The following CSGALNACT1 variants were observed in gnomAD, a reference collection of about 807,000 sequenced individuals.
CSGALNACT1 encodes chondroitin sulfate N-acetylgalactosaminyltransferase 1, also known as beta4GalNAcT-1.
CSGALNACT1 carries 52 observed loss-of-function variants against 51.0 expected under a neutral mutation model. That is an observed-to-expected ratio of 1.02 (90% CI 0.82 to 1.29). The LOEUF (loss-of-function observed/expected upper bound fraction) is 1.29. Among genes scored for constraint, CSGALNACT1 ranks in the 50% most tolerant of loss-of-function variants. The probability of loss-of-function intolerance (pLI) is 0.00; values close to 1 mark genes in which losing one functional copy is unlikely to be tolerated. For synonymous variants in CSGALNACT1, 341 were observed against 254.4 expected, an observed-to-expected ratio of 1.34 and a Z score of -3.24; for missense variants, 935 against 679.2, an observed-to-expected ratio of 1.38 and a Z score of -4.19.
intron 6 of CSGALNACT1, among the ~76,000 whole-genome samples, chr8:19,433,565 T>C (rs1445117819): frequency 6.6e-6 from 1 of 152,206 alleles, no homozygotes; most frequent in Non-Finnish European, 1.5e-5. Context: ...ACAAATGCTC[T>C]CCCTGAAGAA....
chr8:19,602,014 G>A lies in CSGALNACT1; in HGVS notation c.-533C>T, dbSNP rs142899031. ...TACCCCAAAAAGCAGGATGGTATTT[G>A]TTCTCTCCCTGTTTCAATGAATAAA... On this transcript the variant is annotated 5_prime_UTR_variant, in exon 1 of 10. Coordinates refer to ENST00000454498, the Ensembl canonical transcript of CSGALNACT1. The A allele has an allele frequency of 9.0e-4, 324 of 361,392 alleles. 2 individuals carry two copies. Among genetic ancestry groups the A allele is most frequent in the African/African-American group, 6.4e-3 (301 of 46,782 alleles). The allele number at this position is 361,392 out of a possible 1,614,324, so 22.4% of individuals were successfully genotyped here.
chr8:19,606,972 G>A (rs11204058), upstream of CSGALNACT1, among the ~76,000 whole-genome samples: 77,007 of 151,788 alleles, frequency 0.51, 20,688 homozygotes, highest in East Asian at 0.69. Context: ...TGGCTAATAC[G>A]GGGAAACCCT....
At chr8:19,672,055 G>A (rs2059833911) in intron 1 of CSGALNACT1, among the ~76,000 whole-genome samples, 1 of 152,088 alleles carries the variant, frequency 6.6e-6, no homozygotes, top group Non-Finnish European at 1.5e-5. Context: ...CATAGAATTT[G>A]GTACAAATAG....
intron 3 of CSGALNACT1, among the ~76,000 whole-genome samples, chr8:19,547,675 G>C (rs2086798872): frequency 6.6e-6 from 1 of 152,096 alleles, no homozygotes; most frequent in African/African-American, 2.4e-5. Flanking sequence ...ATCTTTATTA[G>C]TAGTGTGAGA....
intron 1 of CSGALNACT1, among the ~76,000 whole-genome samples, chr8:19,646,250 G>A (rs965622722): frequency 1.1e-4 from 16 of 152,182 alleles, no homozygotes; most frequent in Admixed American, 2.0e-4. Flanking sequence ...TATCTGGATC[G>A]TAAGAGAATT....
At chr8:19,682,414 A>T (rs1412275385) in intron 1 of CSGALNACT1, 2 of 338,950 alleles carry the variant, frequency 5.9e-6, no homozygotes, top group East Asian at 7.6e-5. Flanking sequence ...AGCACTCCCC[A>T]AACAGAAAGT....
chr8:19,441,010 A>G lies in CSGALNACT1; in HGVS notation c.852-1079T>C, dbSNP rs1266625692. On this transcript the variant is annotated intron_variant, in intron 5 of 9. Transcript: ENST00000454498. ...AAAATACCTAGGAATCCAACTTACA[A>G]GGAATATGAAGGACCTCTTCAAGGA... Among the ~76,000 whole-genome samples, 12 of 152,346 alleles carry G rather than the reference A, an allele frequency of 7.9e-5. No individual in the cohort carries two copies. The South Asian group carries it at 1.5e-3, about 18-fold the overall frequency.
chr8:19,437,441 T>A lies in CSGALNACT1; in HGVS notation c.953+2389A>T, dbSNP rs2060558068. ...GAAGATTGATCTGGAAGGTAGAGTG[T>A]GGTATGGTACTGTGAAGTCAACTCA... On this transcript the variant is annotated intron_variant, in intron 6 of 9. Transcript: ENST00000454498. 2.6e-5 allele frequency among the ~76,000 whole-genome samples: 4 copies of A among 152,010 alleles called. No individual in the cohort carries two copies. The South Asian group carries it at 8.3e-4, about 32-fold the overall frequency.
chr8:19,467,060 A>G (rs2066862332), intron 4 of CSGALNACT1, among the ~76,000 whole-genome samples: 1 of 151,410 alleles, frequency 6.6e-6, no homozygotes, highest in Admixed American at 6.6e-5. Flanking sequence ...GAAATGTCTA[A>G]GAACTCACTT....
intron 1 of CSGALNACT1, among the ~76,000 whole-genome samples, chr8:19,634,357 C>T (rs6987926): frequency 0.017 from 2,547 of 152,132 alleles, 61 homozygotes; most frequent in African/African-American, 0.057. Context: ...ATGGGATTAG[C>T]GCCCTTACAA....
At chr8:19,748,540 T>C (rs2064830177) in intron 1 of CSGALNACT1, among the ~76,000 whole-genome samples, 1 of 152,200 alleles carries the variant, frequency 6.6e-6, no homozygotes, top group African/African-American at 2.4e-5. Context: ...CTCTCTGCCA[T>C]AACAGTTGAC....
chr8:19,604,914 CAAAAAAAAA>C (rs576342135), upstream of CSGALNACT1, among the ~76,000 whole-genome samples: 1,108 of 64,456 alleles, frequency 0.017, 19 homozygotes, highest in African/African-American at 0.052. Flanking sequence ...GACTCTGTCT[CAAAAAAAAA>C]AAAAAAAAAA....
Position 19,725,430 on chromosome 8 carries a change from T to TC in CSGALNACT1, c.-297+32419_-297+32420insG, listed in dbSNP as rs2063345759. On this transcript the variant is annotated intron_variant, in intron 1 of 1. Coordinates refer to the CSGALNACT1 transcript ENST00000517494. ...TTTTTTCTTTTTTCTTTTTTCTTTT[T>TC]TTTTTTTTTTTGAGATGGAGTTTCA... is the stretch of plus-strand genomic sequence containing the variant. Among the ~76,000 whole-genome samples the TC allele has an allele frequency of 3.3e-5, 5 of 150,910 alleles. No individual in the cohort carries two copies. In the South Asian group the frequency reaches 1.0e-3, roughly 31 times the overall value.
intron 4 of CSGALNACT1, among the ~76,000 whole-genome samples, chr8:19,459,530 A>G (rs570751831): frequency 7.2e-5 from 11 of 152,266 alleles, no homozygotes; most frequent in African/African-American, 2.6e-4. Context: ...AAGCATTAAA[A>G]TAACACATAA....
At chr8:19,578,275 G>A (rs970024905) in intron 3 of CSGALNACT1, among the ~76,000 whole-genome samples, 6 of 152,144 alleles carry the variant, frequency 3.9e-5, no homozygotes, top group African/African-American at 1.4e-4. Flanking sequence ...CCTATTATGT[G>A]AGCTAGGCCA....
At chr8:19,530,934 C>T (rs927220170) in intron 3 of CSGALNACT1, among the ~76,000 whole-genome samples, 1 of 152,160 alleles carries the variant, frequency 6.6e-6, no homozygotes, top group African/African-American at 2.4e-5. Flanking sequence ...CTGCCTTGAA[C>T]CTACAGGGGG....
intron 3 of CSGALNACT1, among the ~76,000 whole-genome samples, chr8:19,562,444 A>G (rs1395407324): frequency 6.6e-6 from 1 of 152,088 alleles, no homozygotes; most frequent in Non-Finnish European, 1.5e-5. Flanking sequence ...ATCAAAAGCA[A>G]AAACTGACAA....
chr8:19,703,555 G>A (rs2061994141), intron 1 of CSGALNACT1, among the ~76,000 whole-genome samples: 1 of 152,052 alleles, frequency 6.6e-6, no homozygotes, highest in Non-Finnish European at 1.5e-5. Context: ...CACCCGCCTG[G>A]GCCTCCCAAA....
intron 6 of CSGALNACT1, among the ~76,000 whole-genome samples, chr8:19,424,278 T>A (rs572838694): frequency 1.3e-5 from 2 of 152,274 alleles, no homozygotes; most frequent in South Asian, 4.2e-4. Flanking sequence ...GTCATCCATC[T>A]GTGTTTCCCA....
Sources: gnomAD v4.1 joint callset for allele counts (sites outside exome capture counted in the v4.1 genomes callset) on GRCh38, gnomAD v4.1.1 for gene constraint, MANE v1.5 for transcripts, NCBI Gene and HGNC (gene_info 2026-07-23, HGNC 2026-07-21) for gene names.